FBXO9: variants seen among roughly 807,000 people sequenced by gnomAD.
The protein encoded by FBXO9 is F-box protein 9.
In FBXO9, 43 loss-of-function variants were observed where a neutral mutation model predicts 63.7. The ratio of observed to expected loss-of-function variants is 0.67; its 90% confidence interval spans 0.53 to 0.87. The LOEUF is 0.87. Ranked by LOEUF, FBXO9 falls within the 40% of genes least tolerant of loss-of-function variation. The pLI, the probability that FBXO9 is intolerant of heterozygous loss-of-function variation, is 0.00. For missense variants in FBXO9, 442 were observed against 533.2 expected (o/e 0.83, Z 1.68); for synonymous variants, 156 against 171.7 (o/e 0.91, Z 0.72).
intron 1 of FBXO9, 148 bp from the exon 2 acceptor site, chr6:53,070,909 G>T: frequency 3.9e-6 from 5 of 1,275,218 alleles, no homozygotes; most frequent in Non-Finnish European, 5.3e-6. Context: ...GGTCTCAAGT[G>T]CCCCCTACAG....
At chr6:53,088,349 A>G (rs1262737827) in intron 7 of FBXO9, among the ~76,000 whole-genome samples, 1 of 152,212 alleles carries the variant, frequency 6.6e-6, no homozygotes, top group Non-Finnish European at 1.5e-5. Flanking sequence ...TTTTTGAATG[A>G]TGATAATTTG....
intron 1 of FBXO9, chr6:53,066,090 A>G (rs1768688923): frequency 1.7e-6 from 2 of 1,197,902 alleles, no homozygotes; most frequent in Non-Finnish European, 2.1e-6. Context: ...CTCACTGAGT[A>G]TATTGAACCA....
At chr6:53,089,104 C>T (rs938837923) in intron 7 of FBXO9, among the ~76,000 whole-genome samples, 3 of 149,932 alleles carry the variant, frequency 2.0e-5, no homozygotes, top group Admixed American at 2.0e-4. Flanking sequence ...GGCGGAGTGT[C>T]GCTCTGCCGC....
chr6:53,066,377 C>G (rs910602276), intron 1 of FBXO9, among the ~76,000 whole-genome samples: 4 of 152,154 alleles, frequency 2.6e-5, no homozygotes. Context: ...GCGTCGGTGC[C>G]GTCCAAATGA....
Position 53,092,829 on chromosome 6 carries a change from AACTGTAGTAC to A in FBXO9, c.863+10_863+19del. The A allele has an allele frequency of 6.3e-7, 1 of 1,588,504 alleles. No individual in the cohort carries two copies. On this transcript the variant is annotated splice_donor_region_variant and intron_variant, in intron 9 of 12. Transcript: ENST00000323557. ...GCACCAAGTGGAATATTACAGGTAC[AACTGTAGTAC>A]ACTGAGTGAGTGGAAAATTCTCTCT...
chr6:53,082,343 CATT>C (rs994833195), intron 6 of FBXO9, among the ~76,000 whole-genome samples, 158 bp from the exon 7 acceptor site: 13 of 152,146 alleles, frequency 8.5e-5, no homozygotes, highest in East Asian at 1.9e-4. Flanking sequence ...TGTTAAGAAC[CATT>C]ATTATTATTG....
intron 7 of FBXO9, among the ~76,000 whole-genome samples, chr6:53,086,968 A>G (rs2744450): frequency 0.76 from 115,921 of 151,850 alleles, 44,846 homozygotes; most frequent in East Asian, 0.93. Flanking sequence ...AAGATGGCTG[A>G]AGCCTGGCTG....
intron 7 of FBXO9, among the ~76,000 whole-genome samples, chr6:53,084,512 A>C (rs918548247): frequency 5.9e-5 from 9 of 152,216 alleles, no homozygotes; most frequent in African/African-American, 2.2e-4. Context: ...TTCTGATGTC[A>C]TGGGAAAAGC....
intron 7 of FBXO9, among the ~76,000 whole-genome samples, chr6:53,083,309 T>C (rs1337805273): frequency 6.6e-6 from 1 of 152,224 alleles, no homozygotes; most frequent in Middle Eastern, 3.2e-3. Context: ...AAGACTCTTT[T>C]TCACAATTCT....
chr6:53,088,011 C>T (rs755857697), intron 7 of FBXO9, among the ~76,000 whole-genome samples: 2 of 152,290 alleles, frequency 1.3e-5, no homozygotes, highest in South Asian at 4.2e-4. Context: ...TCTTTCTTAA[C>T]CAGTCATTTT....
intron 7 of FBXO9, among the ~76,000 whole-genome samples, chr6:53,083,002 A>G (rs1411974518): frequency 2.6e-5 from 4 of 152,202 alleles, no homozygotes; most frequent in African/African-American, 9.6e-5. Context: ...ATGGCTCATT[A>G]AAAGTTATTC....
Position 53,065,693 on chromosome 6 carries a change from C to A in FBXO9, c.-97C>A. 7.3e-7 allele frequency: 1 copy of A among 1,361,952 alleles called. No homozygotes were observed. The highest frequency in any genetic ancestry group is 1.5e-5 in the South Asian group (1 of 66,990). 84.4% of individuals were successfully genotyped at this position (1,361,952 alleles called of 1,614,324 possible). ...TGCTAAGCTCCGCTGCAGAGACAGGCAGGAGTAGACACCCGGACACCCAGC... is the reference window on the plus strand; with the variant it reads ...TGCTAAGCTCCGCTGCAGAGACAGGAAGGAGTAGACACCCGGACACCCAGC... On this transcript the variant is annotated 5_prime_UTR_variant, in exon 1 of 13. Transcript: ENST00000323557.
At chr6:53,082,737 A>G in intron 7 of FBXO9, 119 bp downstream of exon 7, 1 of 692,378 alleles carries the variant, frequency 1.4e-6, no homozygotes, top group Non-Finnish European at 2.4e-6. Flanking sequence ...CTTAGAATAA[A>G]CAAGTTTTGC....
chr6:53,095,580 A>C lies in FBXO9; in HGVS notation c.1121A>C (p.His374Pro). 6.2e-7 allele frequency: 1 copy of C among 1,613,834 alleles called. No individual in the cohort carries two copies. The highest frequency in any genetic ancestry group is 8.5e-7 in the Non-Finnish European group (1 of 1,179,816). The change falls in exon 12 of 13, where the codon CAT (histidine) becomes CCT (proline). Residue 374 changes from histidine to proline, a missense_variant. His to Pro is a moderately conservative substitution (Grantham distance 77, BLOSUM62 -2). Transcript: ENST00000323557. ...GTACAAGAAGCAGATCAGAGTTTTCATGTGGGGCTACAGCTATGTTCCAGT... is the reference window on the plus strand; with the variant it reads ...GTACAAGAAGCAGATCAGAGTTTTCCTGTGGGGCTACAGCTATGTTCCAGT... Reference protein sequence around the residue: ...VPVQEADQSFHVGLQLCSSGH... With the variant: ...VPVQEADQSFPVGLQLCSSGH...
chr6:53,066,131 A>G, intron 1 of FBXO9: 1 of 1,115,838 alleles, frequency 9.0e-7, no homozygotes, highest in Non-Finnish European at 1.1e-6. Context: ...TTTTATCAGA[A>G]GCATTGAGCA....
intron 5 of FBXO9, among the ~76,000 whole-genome samples, chr6:53,080,226 TAGAATAGCCATTGAGTCCATCTA>T (rs1485671887): frequency 6.6e-6 from 1 of 152,024 alleles, no homozygotes; most frequent in Non-Finnish European, 1.5e-5. Context: ...AACATGTTTG[TAGAATAGCCATTGAGTCCATCTA>T]GCCTCAACCA....
At chr6:53,091,986 GTTTCCTCTGCACAATGCCCACT>G (rs1200103789) in intron 7 of FBXO9, 1 of 159,082 alleles carries the variant, frequency 6.3e-6, no homozygotes, top group Non-Finnish European at 1.4e-5. Context: ...CCTCATCATA[GTTTCCTCTGCACAATGCCCACT>G]TTGCCACAGC....
intron 4 of FBXO9, among the ~76,000 whole-genome samples, chr6:53,077,326 T>C (rs1769148971): frequency 2.0e-5 from 3 of 151,366 alleles, no homozygotes; most frequent in African/African-American, 7.3e-5. Flanking sequence ...TACAAAAAAT[T>C]AGCCGGCGTA....
chr6:53,077,503 AATATGTGGTAAT>A (rs1381554499), intron 4 of FBXO9, among the ~76,000 whole-genome samples: 1 of 151,042 alleles, frequency 6.6e-6, no homozygotes, highest in South Asian at 2.1e-4. Flanking sequence ...AAAAAAAAGA[AATATGTGGTAAT>A]ATATGTGTCA....
Sources: gnomAD v4.1 joint callset for allele counts (sites outside exome capture counted in the v4.1 genomes callset) on GRCh38, gnomAD v4.1.1 for gene constraint, MANE v1.5 for transcripts, NCBI Gene and HGNC (gene_info 2026-07-23, HGNC 2026-07-21) for gene names.